Variants in STAU1 observed in about 807,000 individuals in gnomAD.
The protein encoded by STAU1 is double-stranded RNA-binding protein Staufen homolog 1.
STAU1 carries 13 observed loss-of-function variants against 62.9 expected under a neutral mutation model. The ratio of observed to expected loss-of-function variants is 0.21; its 90% CI spans 0.13 to 0.33. The LOEUF (loss-of-function observed/expected upper bound fraction) is 0.33. Ranked by LOEUF, STAU1 falls within the 10% of genes least tolerant of loss-of-function variation. STAU1 has a pLI of 1.00. For missense variants in STAU1, 571 were observed against 712.1 expected (o/e 0.80, Z 2.25); for synonymous variants, 269 against 265.1 (o/e 1.01, Z -0.14).
chr20:49,115,711 A>ATC, intron 13 of STAU1, 71 bp downstream of exon 13: 2 of 1,276,368 alleles, frequency 1.6e-6, no homozygotes, highest in Non-Finnish European at 1.1e-6. Context: ...GTCAGCAGAT[A>ATC]GTGTAAACTC....
intron 2 of STAU1, among the ~76,000 whole-genome samples, chr20:49,167,547 G>C (rs1484514677): frequency 6.6e-6 from 1 of 152,130 alleles, no homozygotes; most frequent in Admixed American, 6.6e-5. Flanking sequence ...TTCCCCAAGA[G>C]TGCAGTTGTT....
At chr20:49,204,644 ATATTTTTTTTTTTT>A in the STAU1 span, among the ~76,000 whole-genome samples, 317 of 41,398 alleles carry the variant, frequency 7.7e-3, 5 homozygotes, top group African/African-American at 8.5e-3. Flanking sequence ...ATATATATAT[ATATTTTTTTTTTTT>A]TTTTTTTTTT....
At chr20:49,121,476 G>GT (rs1338488242) in intron 8 of STAU1, among the ~76,000 whole-genome samples, 1 of 152,114 alleles carries the variant, frequency 6.6e-6, no homozygotes, top group Non-Finnish European at 1.5e-5. Flanking sequence ...CAAATCTACA[G>GT]TATGTATTTG....
chr20:49,125,741 G>A (rs527822741), intron 6 of STAU1, among the ~76,000 whole-genome samples: 5 of 151,942 alleles, frequency 3.3e-5, no homozygotes, highest in South Asian at 2.1e-4. Context: ...CCAGCTACTC[G>A]GGAGGCTGAA....
At chr20:49,208,796 ATT>A in the STAU1 span, among the ~76,000 whole-genome samples, 1 of 147,602 alleles carries the variant, frequency 6.8e-6, no homozygotes. Flanking sequence ...ATTTTTTTGT[ATT>A]TTTTTAATGG....
intron 6 of STAU1, among the ~76,000 whole-genome samples, chr20:49,127,001 G>C (rs1471170056): frequency 6.6e-6 from 1 of 152,106 alleles, no homozygotes; most frequent in South Asian, 2.1e-4. Context: ...AGACTGTAAG[G>C]CTGGCAAAGA....
chr20:49,174,886 A>G (rs934041283), intron 1 of STAU1, among the ~76,000 whole-genome samples: 1 of 149,096 alleles, frequency 6.7e-6, no homozygotes, highest in African/African-American at 2.5e-5. Flanking sequence ...GTGAGCAGAG[A>G]TCGCACCACT....
At chr20:49,201,041 T>C in the STAU1 span, among the ~76,000 whole-genome samples, 1 of 11,032 alleles carries the variant, frequency 9.1e-5, no homozygotes, top group African/African-American at 1.4e-4. Context: ...TAAGACCCAC[T>C]CTCAAAAAAA....
chr20:49,131,638 T>C (rs1217259154), intron 6 of STAU1, among the ~76,000 whole-genome samples: 1 of 149,612 alleles, frequency 6.7e-6, no homozygotes, highest in Non-Finnish European at 1.5e-5. Flanking sequence ...AGGTCAGGAG[T>C]TCAAGACCAG....
At chr20:49,128,773 C>CAAAAAAAAAAAAAAAAAAAA (rs34891670) in intron 6 of STAU1, among the ~76,000 whole-genome samples, 1 of 102,676 alleles carries the variant, frequency 9.7e-6, no homozygotes, top group Non-Finnish European at 2.0e-5. Flanking sequence ...CATCCAAATC[C>CAAAAAAAAAAAAAAAAAAAA]AAAAAAAAAA....
At chr20:49,159,828 C>T (rs2093421990) in intron 3 of STAU1, among the ~76,000 whole-genome samples, 2 of 152,344 alleles carry the variant, frequency 1.3e-5, no homozygotes, top group South Asian at 4.1e-4. Context: ...TTCCAAAGTG[C>T]TGTGAATACA....
At chr20:49,182,176 T>A (rs1431631153) in intron 1 of STAU1, among the ~76,000 whole-genome samples, 3 of 152,148 alleles carry the variant, frequency 2.0e-5, no homozygotes, top group Non-Finnish European at 4.4e-5. Context: ...TCCCAGAAAA[T>A]ATACAGCAAT....
chr20:49,142,124 T>C (rs2093021386), intron 5 of STAU1, among the ~76,000 whole-genome samples: 1 of 152,150 alleles, frequency 6.6e-6, no homozygotes, highest in Non-Finnish European at 1.5e-5. Context: ...TCTCGCTCTG[T>C]TGCCCAGACT....
chr20:49,120,108 A>G lies in STAU1; in HGVS notation c.987T>C (p.Thr329=). Residue 329 remains threonine (T), a synonymous_variant, in exon 9 of 14, where the codon ACT becomes ACC. Transcript: ENST00000371856. ...TCTTGTTGGTGCCCGTTCCTTCTGCAGTGTGGTTTCCAACCTTCACCTGCA... is the reference window on the plus strand; with the variant it reads ...TCTTGTTGGTGCCCGTTCCTTCTGCGGTGTGGTTTCCAACCTTCACCTGCA... ...FVMQVKVGNH[T]AEGTGTNKKV... 1 of 1,613,988 alleles carries G rather than the reference A, an allele frequency of 6.2e-7. No individual in the cohort carries two copies. Among genetic ancestry groups the G allele is most frequent in the South Asian group, 1.1e-5 (1 of 91,082 alleles).
At chr20:49,211,349 G>T in the STAU1 span, among the ~76,000 whole-genome samples, 1 of 150,966 alleles carries the variant, frequency 6.6e-6, no homozygotes, top group East Asian at 1.9e-4. Flanking sequence ...GAGTTGAATT[G>T]CTGGTTCATA....
intron 8 of STAU1, among the ~76,000 whole-genome samples, chr20:49,122,848 CG>C (rs1259867888): frequency 6.6e-6 from 1 of 152,070 alleles, no homozygotes; most frequent in African/African-American, 2.4e-5. Flanking sequence ...ATCAGGGAGT[CG>C]GAGGTTGTAG....
At chr20:49,183,051 T>C (rs560445281) in intron 1 of STAU1, among the ~76,000 whole-genome samples, 2 of 152,290 alleles carry the variant, frequency 1.3e-5, no homozygotes, top group South Asian at 4.1e-4. Flanking sequence ...TTTATATTTT[T>C]TGGAACAGCA....
the STAU1 span, among the ~76,000 whole-genome samples, chr20:49,194,551 G>A: frequency 5.8e-5 from 4 of 68,594 alleles, no homozygotes; most frequent in Admixed American, 6.5e-4. Flanking sequence ...TTGAGCCCAG[G>A]AGTTCGAGGC....
At chr20:49,198,644 A>G in the STAU1 span, among the ~76,000 whole-genome samples, 5 of 151,922 alleles carry the variant, frequency 3.3e-5, no homozygotes, top group Admixed American at 6.6e-5. Context: ...AGCCTGGCCC[A>G]CATGATAAAA....
Sources: allele counts gnomAD v4.1 joint callset (sites outside exome capture counted in the v4.1 genomes callset), GRCh38; gene constraint gnomAD v4.1.1; transcripts MANE v1.5; gene names NCBI Gene and HGNC (gene_info 2026-07-23, HGNC 2026-07-21).